FRMD4B: variants seen among roughly 807,000 people sequenced by gnomAD.
FRMD4B encodes FERM domain-containing protein 4B.
FRMD4B carries 74 observed loss-of-function variants against 141.5 expected under a neutral mutation model. The observed-to-expected ratio is 0.52, with a 90% CI of 0.43 to 0.63. The LOEUF (loss-of-function observed/expected upper bound fraction) is 0.63, where lower values mean the gene tolerates loss of function less well. Ranked by LOEUF, FRMD4B falls within the 30% of genes least tolerant of loss-of-function variation. The pLI is 0.00. For synonymous variants in FRMD4B, 506 were observed against 467.9 expected (o/e 1.08, Z -1.05); for missense variants, 1,366 against 1,253.4 (o/e 1.09, Z -1.36).
At chr3:69,515,881 A>T (rs1211458960) in intron 1 of FRMD4B, among the ~76,000 whole-genome samples, 1 of 152,212 alleles carries the variant, frequency 6.6e-6, no homozygotes, top group African/African-American at 2.4e-5. Flanking sequence ...TGGAGTTAAC[A>T]TCTCTCATGA....
rs1054629116 is a variant in FRMD4B at position 69,235,677 on chromosome 3, G to GA, written c.582-10988dup. 3.3e-3 allele frequency among the ~76,000 whole-genome samples: 470 copies of GA among 142,386 alleles called. 1 individual carries two copies. Among genetic ancestry groups the GA allele is most frequent in the African/African-American group, 0.011 (440 of 38,998 alleles). The allele number at this position is 142,386 out of a possible 152,430, so 93.4% of individuals were successfully genotyped here. On this transcript the variant is annotated intron_variant, in intron 7 of 22. Coordinates refer to ENST00000398540, the MANE Select transcript of FRMD4B (RefSeq NM_015123.3). ...CCATATCAAATTAAAAAAAAGAAAG[G>GA]AAAAAAAAAAAGAAATACTTCTAAG... is the stretch of plus-strand genomic sequence containing the variant.
At chr3:69,450,514 C>T (rs993044312) in intron 1 of FRMD4B, among the ~76,000 whole-genome samples, 11 of 152,036 alleles carry the variant, frequency 7.2e-5, no homozygotes, top group Admixed American at 2.0e-4. Context: ...GCACTTTGGG[C>T]GGCCAAGGCA....
At chr3:69,473,247 T>C (rs1705926753) in intron 1 of FRMD4B, among the ~76,000 whole-genome samples, 2 of 152,110 alleles carry the variant, frequency 1.3e-5, no homozygotes, top group Admixed American at 6.6e-5. Flanking sequence ...CAAGCACTTA[T>C]GTATTCTTGG....
At chr3:69,204,248 AC>A (rs2092999810) in intron 11 of FRMD4B, among the ~76,000 whole-genome samples, 1 of 152,128 alleles carries the variant, frequency 6.6e-6, no homozygotes, top group Non-Finnish European at 1.5e-5. Context: ...GGCATGAAAG[AC>A]CCAGGGAAAG....
chr3:69,470,366 T>G (rs1705866354), intron 1 of FRMD4B, among the ~76,000 whole-genome samples: 2 of 152,208 alleles, frequency 1.3e-5, no homozygotes, highest in Non-Finnish European at 2.9e-5. Context: ...GAGAAGCATT[T>G]TGTATAGTAA....
At chr3:69,237,458 G>T (rs934169147) in intron 7 of FRMD4B, among the ~76,000 whole-genome samples, 4 of 152,232 alleles carry the variant, frequency 2.6e-5, no homozygotes, top group Non-Finnish European at 4.4e-5. Flanking sequence ...CAAATCTAGG[G>T]ATGCCTCCCA....
At chr3:69,403,586 C>A (rs1704602826) in intron 2 of FRMD4B, among the ~76,000 whole-genome samples, 1 of 152,120 alleles carries the variant, frequency 6.6e-6, no homozygotes, top group African/African-American at 2.4e-5. Flanking sequence ...GAAATGTCAG[C>A]ACTATTCAAA....
At chr3:69,370,069 C>T (rs1240576323) in intron 1 of FRMD4B, among the ~76,000 whole-genome samples, 1 of 151,030 alleles carries the variant, frequency 6.6e-6, no homozygotes, top group Non-Finnish European at 1.5e-5. Flanking sequence ...TAATTAAACA[C>T]TAATAAAGGC....
intron 1 of FRMD4B, among the ~76,000 whole-genome samples, chr3:69,500,286 T>C (rs528700753): frequency 6.6e-6 from 1 of 152,246 alleles, no homozygotes; most frequent in East Asian, 1.9e-4. Flanking sequence ...TCGGGACTTA[T>C]GAAAATAGAT....
intron 1 of FRMD4B, among the ~76,000 whole-genome samples, chr3:69,491,988 T>C (rs1348333760): frequency 1.3e-5 from 2 of 152,196 alleles, no homozygotes; most frequent in Non-Finnish European, 2.9e-5. Flanking sequence ...TCCTCCGCCG[T>C]ACCCCCGCAA....
At chr3:69,229,197 T>C (rs2093282833) in intron 7 of FRMD4B, among the ~76,000 whole-genome samples, 2 of 151,938 alleles carry the variant, frequency 1.3e-5, no homozygotes, top group African/African-American at 4.8e-5. Flanking sequence ...GGCTAAATTT[T>C]TAATTTTTCA....
chr3:69,332,949 G>A (rs1381352753), intron 1 of FRMD4B, among the ~76,000 whole-genome samples: 1 of 151,938 alleles, frequency 6.6e-6, no homozygotes, highest in Admixed American at 6.6e-5. Context: ...AAAAAGCAGA[G>A]TTAAAAAATA....
intron 22 of FRMD4B, among the ~76,000 whole-genome samples, chr3:69,172,231 T>C (rs1390417181): frequency 6.6e-6 from 1 of 152,256 alleles, no homozygotes; most frequent in Non-Finnish European, 1.5e-5. Flanking sequence ...TTGTGTTTCA[T>C]TGATCAGGAC....
At chr3:69,279,150 C>T (rs2093632173) in intron 5 of FRMD4B, among the ~76,000 whole-genome samples, 1 of 152,032 alleles carries the variant, frequency 6.6e-6, no homozygotes, top group South Asian at 2.1e-4. Context: ...ACTTTTAGGC[C>T]ACAGGAAGGT....
chr3:69,340,514 G>C (rs1702703864), intron 1 of FRMD4B, among the ~76,000 whole-genome samples: 1 of 152,178 alleles, frequency 6.6e-6, no homozygotes, highest in Non-Finnish European at 1.5e-5. Flanking sequence ...TGTTTTCATA[G>C]GAGACATCGT....
chr3:69,455,573 ACAT>A (rs1032384232), intron 1 of FRMD4B, among the ~76,000 whole-genome samples: 4 of 152,174 alleles, frequency 2.6e-5, no homozygotes, highest in African/African-American at 9.7e-5. Context: ...GTCCGACGGA[ACAT>A]CAGAAGGAAC....
chr3:69,386,116 A>C, upstream of FRMD4B: 1 of 878,032 alleles, frequency 1.1e-6, no homozygotes, highest in South Asian at 2.0e-5. Flanking sequence ...GCCTGCCACC[A>C]AACTCGTCTT....
intron 1 of FRMD4B, among the ~76,000 whole-genome samples, chr3:69,502,039 A>G (rs548332934): frequency 2.0e-5 from 3 of 152,328 alleles, no homozygotes; most frequent in African/African-American, 7.2e-5. Context: ...AGAAGACACA[A>G]ACAAATGGAA....
intron 21 of FRMD4B, among the ~76,000 whole-genome samples, chr3:69,177,430 G>A (rs57429768): frequency 0.011 from 1,689 of 152,134 alleles, 33 homozygotes; most frequent in African/African-American, 0.039. Context: ...TGGGAGTAAC[G>A]CTTGAGCCCA....
Sources: gnomAD v4.1 joint callset for allele counts (sites outside exome capture counted in the v4.1 genomes callset) on GRCh38, gnomAD v4.1.1 for gene constraint, MANE v1.5 for transcripts, NCBI Gene and HGNC (gene_info 2026-07-23, HGNC 2026-07-21) for gene names.